Variants in CPSF2 observed in about 807,000 individuals in gnomAD.
CPSF2 encodes the protein cleavage and polyadenylation specificity factor subunit 2.
A neutral mutation model predicts 84.2 loss-of-function variants in CPSF2; 51 were observed. The observed-to-expected ratio is 0.61, with a 90% CI of 0.48 to 0.77. The LOEUF (loss-of-function observed/expected upper bound fraction) is 0.77. Ranked by LOEUF, CPSF2 falls within the 30% of genes least tolerant of loss-of-function variation. CPSF2 has a pLI of 0.00. For synonymous variants in CPSF2, 286 were observed against 311.9 expected, an observed-to-expected ratio of 0.92 and a Z score of 0.87; for missense variants, 641 against 929.4, an observed-to-expected ratio of 0.69 and a Z score of 4.03.
chr14:92,149,817 G>A (rs34484283), intron 9 of CPSF2, among the ~76,000 whole-genome samples: 30,262 of 150,984 alleles, frequency 0.2, 3,351 homozygotes, highest in East Asian at 0.53. Flanking sequence ...CACCACGCCT[G>A]GCTGATTTTT....
At position 92,131,010 on chromosome 14, in the gene CPSF2, C is replaced by T; in HGVS notation, c.26C>T (p.Thr9Ile). MTSIIKLT[T>I]LSGVQEESAL... ...ATGACGTCTATTATCAAATTAACTA[C>T]CCTTTCTGGGGTCCAAGAAGAATCT... Residue 9 changes from threonine to isoleucine, a missense_variant, in exon 3 of 16, where the codon ACC becomes ATC. Thr to Ile is a moderately conservative substitution (Grantham distance 89). This residue lies in a region of CPSF2 where 211 missense variants were observed against 375.7 expected (regional missense o/e 0.56). Transcript: ENST00000298875. The T allele has an allele frequency of 6.2e-7, 1 of 1,611,572 alleles. No individual in the cohort carries two copies. The highest frequency in any genetic ancestry group is 8.5e-7 in the Non-Finnish European group (1 of 1,179,392).
chr14:92,122,656 C>G (rs1567013534), intron 1 of CPSF2, among the ~76,000 whole-genome samples: 1 of 152,206 alleles, frequency 6.6e-6, no homozygotes, highest in Non-Finnish European at 1.5e-5. Flanking sequence ...CCATCGCCCT[C>G]CAGCGCTTCC....
intron 5 of CPSF2, 33 bp downstream of exon 5, chr14:92,134,388 T>C (rs1471699611): frequency 2.2e-6 from 3 of 1,386,344 alleles, no homozygotes; most frequent in East Asian, 4.6e-5. Flanking sequence ...AGTATTTAGA[T>C]GAATGGGGTT....
chr14:92,133,927 C>T, intron 3 of CPSF2, 84 bp from the exon 4 acceptor site: 1 of 1,425,502 alleles, frequency 7.0e-7, no homozygotes, highest in Middle Eastern at 1.8e-4. Flanking sequence ...AGTCTTCAAT[C>T]CAGAATTGGT....
rs61438298 is a variant in CPSF2, at chr14:92,168,078, C to T, written c.*6334C>T. ...CCTGGCCAACATGGTGAAACCTCAT[C>T]TCTACTAAAATTACGAAAAATTAGT... On this transcript the variant is annotated 3_prime_UTR_variant, in exon 16 of 16. Transcript: ENST00000298875. 0.2 allele frequency: 30,152 copies of T among 151,410 alleles called. 3,365 individuals carry two copies. The highest frequency in any genetic ancestry group is 0.53 in the East Asian group (2,702 of 5,112). 9.4% of individuals were successfully genotyped at this position (151,410 alleles called of 1,614,324 possible).
chr14:92,130,645 T>C (rs975183418), intron 2 of CPSF2, among the ~76,000 whole-genome samples: 2 of 152,230 alleles, frequency 1.3e-5, no homozygotes, highest in Non-Finnish European at 2.9e-5. Context: ...TCAAATCACA[T>C]AGAAGTAGAT....
chr14:92,150,619 G>A lies in CPSF2; in HGVS notation c.1141-3739G>A, dbSNP rs987151834. 7.9e-5 allele frequency among the ~76,000 whole-genome samples: 12 copies of A among 151,948 alleles called. 1 individual carries two copies. Among genetic ancestry groups the A allele is most frequent in the African/African-American group, 2.9e-4 (12 of 41,366 alleles). Reference sequence around the variant, plus strand: ...TTTTAATTCTTTTTTGTAGAGACTGGGTCTTGCTACGCTGCCCATATGGTC... The same window carrying A: ...TTTTAATTCTTTTTTGTAGAGACTGAGTCTTGCTACGCTGCCCATATGGTC... On this transcript the variant is annotated intron_variant, in intron 9 of 15. Coordinates refer to ENST00000298875, the MANE Select transcript of CPSF2 (RefSeq NM_017437.3).
intron 9 of CPSF2, among the ~76,000 whole-genome samples, chr14:92,146,084 C>T (rs2069140584): frequency 6.6e-6 from 1 of 152,152 alleles, no homozygotes; most frequent in Admixed American, 6.5e-5. Context: ...GTAATATGTA[C>T]CAAAACCTAC....
rs750612440 is a variant in CPSF2, at chr14:92,157,636, T to TATCTAATTACAAAATTATA, written c.1596-23_1596-22insATCTAATTACAAAATTATA. The TATCTAATTACAAAATTATA allele has an allele frequency of 6.4e-7, 1 of 1,560,110 alleles. No homozygotes were observed. Among genetic ancestry groups the TATCTAATTACAAAATTATA allele is most frequent in the South Asian group, 1.1e-5 (1 of 89,032 alleles). On this transcript the variant is annotated intron_variant, in intron 12 of 15. Transcript: ENST00000298875. This position sits in a 1 kb window ranked among gnomAD's most constrained non-coding sequence, Gnocchi z 4.0. The stretch of plus-strand genomic sequence containing the variant: ...TTTAGAATTATGAGAAAAGTAATCT[T>TATCTAATTACAAAATTATA]GAATAATCATATCTAATTACAGAGC...
chr14:92,153,935 A>G (rs2069255327), intron 9 of CPSF2: 1 of 150,384 alleles, frequency 6.6e-6, no homozygotes, highest in Non-Finnish European at 1.5e-5. Flanking sequence ...CTCAAACTCA[A>G]GTGATTTTCC....
In CPSF2 at chr14:92,165,998, T is replaced by C. The variant is rs1415861819; in HGVS notation, c.*4254T>C. 6.6e-6 allele frequency: 1 copy of C among 151,434 alleles called. No homozygotes were observed. The highest frequency in any genetic ancestry group is 1.5e-5 in the Non-Finnish European group (1 of 67,966). The allele number at this position is 151,434 out of a possible 1,614,324, so 9.4% of individuals were successfully genotyped here. On this transcript the variant is annotated 3_prime_UTR_variant, in exon 16 of 16. Coordinates refer to ENST00000298875, the MANE Select transcript of CPSF2 (RefSeq NM_017437.3). The stretch of plus-strand genomic sequence containing the variant: ...TGCCTCAGCCTCCTGAGTACTGGGA[T>C]TACAGGCACCCACCACCATGCCTGG...
chr14:92,145,059 C>T (rs766437875), intron 9 of CPSF2, among the ~76,000 whole-genome samples: 15 of 152,114 alleles, frequency 9.9e-5, no homozygotes, highest in Admixed American at 3.9e-4. Flanking sequence ...TCAAATCTAT[C>T]GATTTTTCAA....
intron 3 of CPSF2, among the ~76,000 whole-genome samples, chr14:92,131,640 ACCAG>A (rs915812385): frequency 2.0e-5 from 3 of 152,126 alleles, no homozygotes; most frequent in Non-Finnish European, 4.4e-5. Context: ...GGAGTTCGAG[ACCAG>A]CCTGGCCAAC....
rs1010920984 is a variant in CPSF2 at position 92,149,595 on chromosome 14, G to GA, written c.1141-4755dup. ...AGCGAGACCCTGTCTCTACAAAAAA[G>GA]AAAAAAAAGTCCTTGAGGGAATAGT... On this transcript the variant is annotated intron_variant, in intron 9 of 15. Transcript: ENST00000298875. Among the ~76,000 whole-genome samples, 222 of 150,748 alleles carry GA rather than the reference G, an allele frequency of 1.5e-3. 2 individuals are homozygous for GA. Among genetic ancestry groups the GA allele is most frequent in the African/African-American group, 5.2e-3 (213 of 41,250 alleles).
chr14:92,156,546 T>G lies in CPSF2; in HGVS notation c.1510T>G (p.Leu504Val). 1.9e-6 allele frequency: 3 copies of G among 1,613,230 alleles called. No homozygotes were observed. Among genetic ancestry groups the G allele is most frequent in the Non-Finnish European group, 2.5e-6 (3 of 1,179,406 alleles). The change falls in exon 12 of 16, where the codon TTG becomes GTG. Residue 504 changes from leucine (L) to valine (V), a missense_variant. Physicochemically the swap from Leu to Val is conservative, Grantham distance 32 (BLOSUM62 1). Coordinates refer to ENST00000298875, the MANE Select transcript of CPSF2 (RefSeq NM_017437.3). ...AGAAAAAAGCAAATTAGAATCTGGT[T>G]TGACAAATGGAGATGAACCTATGGA... Reference protein sequence around the residue: ...EEEKSKLESGLTNGDEPMDQD... With the variant: ...EEEKSKLESGVTNGDEPMDQD...
At position 92,157,892 on chromosome 14, in the gene CPSF2, T is replaced by C. The variant is rs2069311957; in HGVS notation, c.1821+8T>C. The C allele has an allele frequency of 1.3e-6, 2 of 1,574,906 alleles. No individual in the cohort carries two copies. Among genetic ancestry groups the C allele is most frequent in the Non-Finnish European group, 1.7e-6 (2 of 1,144,424 alleles). On this transcript the variant is annotated splice_region_variant and intron_variant, in intron 13 of 15. Transcript: ENST00000298875. The surrounding 1 kb of genome is among the most constrained non-coding windows in gnomAD (Gnocchi z 4.0). ...GAAACTCACATCTACCAGGTAAACA[T>C]GCCAGGAGTTGCCATTGAGTAGAAA... is the stretch of plus-strand genomic sequence containing the variant.
At chr14:92,151,786 C>T (rs1336687332) in intron 9 of CPSF2, among the ~76,000 whole-genome samples, 1 of 152,036 alleles carries the variant, frequency 6.6e-6, no homozygotes, top group Non-Finnish European at 1.5e-5. Flanking sequence ...ACTGTAATCC[C>T]AGCACTTTGA....
chr14:92,156,428 T>A (rs760705748), intron 11 of CPSF2, 51 bp from the exon 12 acceptor site: 5 of 1,493,594 alleles, frequency 3.3e-6, no homozygotes, highest in Non-Finnish European at 4.6e-6. Flanking sequence ...ATATATGTTA[T>A]GTAGTATTAG....
chr14:92,170,911 T>C lies in CPSF2; in HGVS notation c.*9167T>C, dbSNP rs948331033. 6.6e-6 allele frequency: 1 copy of C among 152,226 alleles called. No individual in the cohort carries two copies. Among genetic ancestry groups the C allele is most frequent in the African/African-American group, 2.4e-5 (1 of 41,454 alleles). The allele number at this position is 152,226 out of a possible 1,614,324, so 9.4% of individuals were successfully genotyped here. On this transcript the variant is annotated 3_prime_UTR_variant, in exon 16 of 16. Coordinates refer to ENST00000298875, the MANE Select transcript of CPSF2 (RefSeq NM_017437.3). ...TTAGTATTTTCTCCACTTGTATTTG[T>C]TTTTTGGTATAAACTTAAAAAGTAC...
Sources: gnomAD v4.1 joint callset for allele counts (sites outside exome capture counted in the v4.1 genomes callset) on GRCh38, gnomAD v4.1.1 for gene constraint, gnomAD v4.1.1 regional missense constraint, Gnocchi (gnomAD v3.1) non-coding constraint, MANE v1.5 for transcripts, NCBI Gene and HGNC (gene_info 2026-07-23, HGNC 2026-07-21) for gene names.